Variants in TTN observed in about 807,000 individuals in gnomAD.
The protein encoded by TTN is titin.
Under a neutral mutation model 3,223.0 loss-of-function variants are expected in TTN, and 1,525 were observed. That is an observed-to-expected ratio of 0.47 (90% CI 0.45 to 0.49). The LOEUF (loss-of-function observed/expected upper bound fraction) is 0.49. Ranked by LOEUF, TTN falls within the 20% of genes least tolerant of loss-of-function variation. The pLI is 0.00. For synonymous variants in TTN, 14,094 were observed against 15,161.0 expected, an observed-to-expected ratio of 0.93 and a Z score of 5.17; for missense variants, 40,786 against 43,424.0, an observed-to-expected ratio of 0.94 and a Z score of 5.40.
intron 261 of TTN, 39 bp from the exon 262 acceptor site, chr2:178,614,387 C>A: frequency 6.3e-7 from 1 of 1,578,248 alleles, no homozygotes; most frequent in South Asian, 1.2e-5. Flanking sequence ...AAAAATTGTT[C>A]ACCATTTTTT....
rs878854373 is a variant in TTN at position 178,529,958 on chromosome 2, A to T, written c.106531+2T>A. On this transcript the variant is annotated splice_donor_variant, in intron 359 of 362. Coordinates refer to ENST00000589042, the MANE Select transcript of TTN (RefSeq NM_001267550.2). LOFTEE classifies it high-confidence loss of function. The stretch of plus-strand genomic sequence containing the variant: ...TGTGGGTAAAAACAAAAGCCAACCT[A>T]CCTTTTATTGTTAATTTGCAGCTAG... 2.5e-6 allele frequency: 4 copies of T among 1,587,042 alleles called. No homozygotes were observed. The highest frequency in any genetic ancestry group is 3.4e-6 in the Non-Finnish European group (4 of 1,173,458).
intron 204 of TTN, 41 bp downstream of exon 204, chr2:178,652,055 A>T: frequency 6.2e-7 from 1 of 1,612,118 alleles, no homozygotes; most frequent in Non-Finnish European, 8.5e-7. Context: ...CTAAGGAAAG[A>T]TTTTTTTAAA....
chr2:178,559,417 T>G lies in TTN; in HGVS notation c.86715A>C (p.Lys28905Asn). The G allele has an allele frequency of 6.2e-7, 1 of 1,613,784 alleles. No homozygotes were observed. Among genetic ancestry groups the G allele is most frequent in the Non-Finnish European group, 8.5e-7 (1 of 1,179,714 alleles). The change falls in exon 326 of 363, where the codon AAA becomes AAC. Residue 28905 changes from lysine to asparagine, a missense_variant. Transcript: ENST00000589042. The stretch of plus-strand genomic sequence containing the variant: ...TAGCTCCTTCTTGTAAATTGGTAAC[T>G]TTGTAGGAGAGGCGGTTACAGTTGT... ...VTNNCNRLSY[K>N]VTNLQEGAIY...
Position 178,531,183 on chromosome 2 carries a change from C to T in TTN, c.105432G>A (p.Glu35144=). ...KPRSMTVYEG[E]SARFSCDTDG... ...CGGTGTCACAAGAAAACCTTGCAGA[C>T]TCGCCCTCGTAGACGGTCATGGACC... Residue 35144 remains glutamate (E), a synonymous_variant, in exon 358 of 363, where the codon GAG becomes GAA. Coordinates refer to ENST00000589042, the MANE Select transcript of TTN (RefSeq NM_001267550.2). 3 of 1,614,008 alleles carry T rather than the reference C, an allele frequency of 1.9e-6. No homozygotes were observed. The highest frequency in any genetic ancestry group is 2.5e-6 in the Non-Finnish European group (3 of 1,179,890).
chr2:178,798,615 A>G (rs1380655684), intron 6 of TTN: 1 of 152,208 alleles, frequency 6.6e-6, no homozygotes, highest in Non-Finnish European at 1.5e-5. Flanking sequence ...GCAGCTTGAG[A>G]TCATTCTTAT....
chr2:178,689,469 GCTTGA>G (rs1560406029), intron 123 of TTN, 41 bp downstream of exon 123: 23 of 1,600,946 alleles, frequency 1.4e-5, no homozygotes, highest in Non-Finnish European at 2.0e-5. Context: ...AATTAAAGAG[GCTTGA>G]AGGAAAGACA....
At position 178,580,578 on chromosome 2, in the gene TTN, T is replaced by A; in HGVS notation, c.66801A>T (p.Leu22267Phe). Residue 22267 changes from leucine to phenylalanine, a missense_variant, in exon 317 of 363, where the codon TTA (leucine) becomes TTT (phenylalanine). Leu to Phe is a conservative substitution (Grantham distance 22). Coordinates refer to ENST00000589042, the MANE Select transcript of TTN (RefSeq NM_001267550.2). ...CAGCACGTAATATGAGTGTCTTCCT[T>A]AAGTCCGCATCAAGTTCTCCCTCAG... ...IPPEGELDAD[L>F]RKTLILRAGV... is the part of the protein sequence containing the mutation. The A allele has an allele frequency of 3.1e-6, 5 of 1,611,514 alleles. No individual in the cohort carries two copies. Among genetic ancestry groups the A allele is most frequent in the Non-Finnish European group, 4.2e-6 (5 of 1,178,992 alleles).
intron 34 of TTN, 88 bp from the exon 35 acceptor site, chr2:178,770,763 C>T (rs2091349805): frequency 6.7e-7 from 1 of 1,498,666 alleles, no homozygotes; most frequent in Non-Finnish European, 9.2e-7. Flanking sequence ...CTTACTCACC[C>T]TGCAAAAGAA....
Position 178,530,424 on chromosome 2 carries a change from C to G in TTN, c.106191G>C (p.Gln35397His), listed in dbSNP as rs765596129. 3 of 1,613,862 alleles carry G rather than the reference C, an allele frequency of 1.9e-6. No homozygotes were observed. The highest frequency in any genetic ancestry group is 2.5e-6 in the Non-Finnish European group (3 of 1,179,874). ...TGGTTACTGTTGACTCAGTGGTTTT[C>G]TGATCTGATTTCTTAGTTTCTGATA... ...SKISETKKSD[Q>H]KTTESTVTRK... The change falls in exon 358 of 363, where the codon CAG (glutamine) becomes CAC (histidine). Residue 35397 changes from glutamine (Q) to histidine (H), a missense_variant. Gln to His is a conservative substitution (Grantham distance 24, BLOSUM62 0). Transcript: ENST00000589042.
Position 178,719,595 on chromosome 2 carries a change from C to G in TTN, c.23897G>C (p.Ser7966Thr), listed in dbSNP as rs762651037. 5.0e-6 allele frequency: 8 copies of G among 1,612,216 alleles called. No homozygotes were observed. The highest frequency in any genetic ancestry group is 5.1e-6 in the Non-Finnish European group (6 of 1,178,544). Residue 7966 changes from serine (S) to threonine (T), a missense_variant, in exon 82 of 363, where the codon AGT becomes ACT. Transcript: ENST00000589042. Reference sequence around the variant, plus strand: ...TACAGTGCAGTTACTTTTGCCAACACTGTTTTTCACTTCAAAGCTATATAA... The same window carrying G: ...TACAGTGCAGTTACTTTTGCCAACAGTGTTTTTCACTTCAAAGCTATATAA... The part of the protein sequence containing the change: ...KGLYSFEVKN[S>T]VGKSNCTVSV...
intron 67 of TTN, 90 bp downstream of exon 67, chr2:178,728,020 G>A: frequency 4.2e-6 from 6 of 1,435,614 alleles, no homozygotes; most frequent in Non-Finnish European, 5.5e-6. Context: ...GAATCATAGA[G>A]ATTTTAGCTC....
chr2:178,534,824 G>A lies in TTN; in HGVS notation c.101791C>T (p.His33931Tyr), dbSNP rs746021065. 1 of 1,610,346 alleles carries A rather than the reference G, an allele frequency of 6.2e-7. No individual in the cohort carries two copies. The highest frequency in any genetic ancestry group is 8.5e-7 in the Non-Finnish European group (1 of 1,179,788). The change falls in exon 358 of 363, where the codon CAC (histidine) becomes TAC (tyrosine). Residue 33931 changes from histidine (H) to tyrosine (Y), a missense_variant. His to Tyr is a moderately conservative substitution (Grantham distance 83). Coordinates refer to ENST00000589042, the MANE Select transcript of TTN (RefSeq NM_001267550.2). ...TCAAAGTGTCCAATATTATGACTGT[G>A]TAAAAACTGAAGTGCTTCACAGACC... is the stretch of plus-strand genomic sequence containing the variant. The part of the protein sequence containing the change: ...HQVCEALQFL[H>Y]SHNIGHFDIR...
chr2:178,692,898 C>A (rs1297119143), intron 119 of TTN, among the ~76,000 whole-genome samples: 4 of 151,740 alleles, frequency 2.6e-5, no homozygotes, highest in Admixed American at 6.6e-5. Context: ...TTTTTGTAAC[C>A]TTTACTTTTA....
chr2:178,672,010 C>A lies in TTN; in HGVS notation c.35188G>T (p.Glu11730Ter). The A allele has an allele frequency of 6.2e-7, 1 of 1,607,872 alleles. No homozygotes were observed. The highest frequency in any genetic ancestry group is 1.1e-5 in the South Asian group (1 of 88,964). Residue 11730 changes from glutamate (E) to a stop codon, truncating the protein, a stop_gained, in exon 155 of 363, where the codon GAA (glutamate) becomes TAA (stop). Transcript: ENST00000589042. LOFTEE classifies it high-confidence loss of function. ...TTTGGTTTTTCAAATACTTCCACTT[C>A]TTCAGCCTCAAAAACTTCTATTACC... ...HRVIEVFEAE[E>*]VEVFEKPKAP...
chr2:178,718,680 G>A lies in TTN; in HGVS notation c.24505+15C>T. 6.2e-7 allele frequency: 1 copy of A among 1,611,574 alleles called. No individual in the cohort carries two copies. Among genetic ancestry groups the A allele is most frequent in the South Asian group, 1.1e-5 (1 of 90,854 alleles). Reference sequence around the variant, plus strand: ...GAAATTTTAAAAGATGTATATATTGGGGGAAAGAGCAAACCTTTCACAAAA... The same window carrying A: ...GAAATTTTAAAAGATGTATATATTGAGGGAAAGAGCAAACCTTTCACAAAA... On this transcript the variant is annotated intron_variant, in intron 84 of 362. Coordinates refer to ENST00000589042, the MANE Select transcript of TTN (RefSeq NM_001267550.2).
chr2:178,650,257 C>T lies in TTN; in HGVS notation c.39724G>A (p.Glu13242Lys). ...SPPPEVYEEP[E>K]EIAPEEEIAP... ...ATTTCCTCTTCAGGAGCAATTTCCT[C>T]AGGTTCTTCATATACTTTAAAGATA... is the stretch of plus-strand genomic sequence containing the variant. Residue 13242 changes from glutamate (E) to lysine (K), a missense_variant, in exon 210 of 363, where the codon GAG (glutamate) becomes AAG (lysine). By Grantham distance (56) the Glu-to-Lys change is moderately conservative. Transcript: ENST00000589042. The T allele has an allele frequency of 6.3e-7, 1 of 1,582,694 alleles. No homozygotes were observed. Among genetic ancestry groups the T allele is most frequent in the Non-Finnish European group, 8.6e-7 (1 of 1,162,760 alleles).
rs1553717666 is a variant in TTN, at chr2:178,621,172, T to C, written c.45546A>G (p.Thr15182=). 1.2e-6 allele frequency: 2 copies of C among 1,612,540 alleles called. No homozygotes were observed. The highest frequency in any genetic ancestry group is 1.6e-4 in the Middle Eastern group (1 of 6,072). ...CAACGTAAGTGCCCATATCTTGTAATGTGGCATCTTTCACAACTAGGACCC... is the reference window on the plus strand; with the variant it reads ...CAACGTAAGTGCCCATATCTTGTAACGTGGCATCTTTCACAACTAGGACCC... ...KKRVLVVKDA[T]LQDMGTYVVM... is the part of the protein sequence containing the mutation. The change falls in exon 246 of 363, where the codon ACA becomes ACG. Residue 15182 remains threonine (T), a synonymous_variant. Coordinates refer to ENST00000589042, the MANE Select transcript of TTN (RefSeq NM_001267550.2).
At position 178,689,519 on chromosome 2, in the gene TTN, T is replaced by C; in HGVS notation, c.31923A>G (p.Pro10641=). 1 of 1,609,518 alleles carries C rather than the reference T, an allele frequency of 6.2e-7. No individual in the cohort carries two copies. Among genetic ancestry groups the C allele is most frequent in the Non-Finnish European group, 8.5e-7 (1 of 1,177,356 alleles). ...IVTQREESPP[P]AVPEIPKKKV... ...CATGGAGATGGGATTAAGTACCTGC[T>C]GGTGGTGGAGATTCCTCTCTTTGAG... The change falls in exon 123 of 363, where the codon CCA becomes CCG. Residue 10641 remains proline, a synonymous_variant. Transcript: ENST00000589042.
intron 101 of TTN, 57 bp downstream of exon 101, chr2:178,706,805 A>G (rs2075940943): frequency 1.9e-6 from 3 of 1,597,362 alleles, no homozygotes; most frequent in Non-Finnish European, 2.6e-6. Flanking sequence ...CCAAAATTAA[A>G]TCATAAGTAA....
Sources: gnomAD v4.1 joint callset for allele counts (sites outside exome capture counted in the v4.1 genomes callset) on GRCh38, gnomAD v4.1.1 for gene constraint, MANE v1.5 for transcripts, NCBI Gene and HGNC (gene_info 2026-07-23, HGNC 2026-07-21) for gene names.